FKBP1B: variants seen among roughly 807,000 people sequenced by gnomAD.
FKBP1B encodes peptidyl-prolyl cis-trans isomerase FKBP1B.
In FKBP1B, 4 loss-of-function variants were observed where a neutral mutation model predicts 13.5. The ratio of observed to expected loss-of-function variants is 0.30; its 90% CI spans 0.15 to 0.68. FKBP1B has a LOEUF of 0.68. Ranked by LOEUF, FKBP1B falls within the 30% of genes least tolerant of loss-of-function variation. The pLI, the probability that FKBP1B is intolerant of heterozygous loss-of-function variation, is 0.76. For missense variants in FKBP1B, 93 were observed against 136.2 expected (o/e 0.68, Z 1.58); for synonymous variants, 54 against 53.6 (o/e 1.01, Z -0.03).
At chr2:24,049,668 C>A (rs1315390453), upstream of FKBP1B, 1 of 407,536 alleles carries the variant, frequency 2.5e-6, no homozygotes, top group East Asian at 3.7e-5. Context: ...CCGCGCGGCT[C>A]CGCCCCGCCG....
intron 2 of FKBP1B, 54 bp from the exon 3 acceptor site, chr2:24,060,760 T>C (rs1209158967): frequency 2.3e-6 from 3 of 1,286,756 alleles, no homozygotes; most frequent in Non-Finnish European, 3.4e-6. Context: ...GGAATCTGAA[T>C]TGGGAGTTTA....
upstream of FKBP1B, chr2:24,049,705 G>C: frequency 5.5e-6 from 3 of 549,918 alleles, no homozygotes; most frequent in Non-Finnish European, 8.2e-6. Context: ...CCCTCCCCGC[G>C]CAGGTCCCGA....
Position 24,062,974 on chromosome 2 carries a change from T to C in FKBP1B, c.199-90T>C, listed in dbSNP as rs1184518815. The C allele has an allele frequency of 1.9e-6, 3 of 1,592,722 alleles. No individual in the cohort carries two copies. In the African/African-American group the frequency reaches 4.0e-5, roughly 21 times the overall value. On this transcript the variant is annotated intron_variant, in intron 3 of 3. Coordinates refer to ENST00000380986, the MANE Select transcript of FKBP1B (RefSeq NM_004116.5). ...CTTCAGAGTTAACATTGAGGATGGT[T>C]TGGGAAAATGCCATAGTCATCTAAC...
At chr2:24,040,787 C>T in the FKBP1B span, among the ~76,000 whole-genome samples, 1 of 152,102 alleles carries the variant, frequency 6.6e-6, no homozygotes, top group Admixed American at 6.6e-5. Flanking sequence ...GAGGCTGAGA[C>T]GGGAGGATCA....
chr2:24,054,259 G>A, intron 2 of FKBP1B: 1 of 550,690 alleles, frequency 1.8e-6, no homozygotes. Context: ...TCCCTGCTGG[G>A]TCTGTCTGAT....
the FKBP1B span, among the ~76,000 whole-genome samples, chr2:24,042,791 G>A: frequency 2.0e-5 from 3 of 152,028 alleles, no homozygotes; most frequent in Non-Finnish European, 2.9e-5. Flanking sequence ...CTAGCATTTT[G>A]GGAGGCCGAG....
At chr2:24,039,253 T>C in the FKBP1B span, 1 of 1,614,226 alleles carries the variant, frequency 6.2e-7, no homozygotes, top group South Asian at 1.1e-5. Flanking sequence ...ATGCTTCTCA[T>C]GCTGGACAGC....
chr2:24,043,082 C>T, the FKBP1B span, among the ~76,000 whole-genome samples: 12 of 151,910 alleles, frequency 7.9e-5, no homozygotes, highest in Non-Finnish European at 1.5e-4. Flanking sequence ...GCCTTTAATC[C>T]GAGCACTTTG....
intron 3 of FKBP1B, among the ~76,000 whole-genome samples, chr2:24,062,329 C>T (rs868191129): frequency 6.6e-5 from 10 of 152,100 alleles, no homozygotes; most frequent in Non-Finnish European, 1.2e-4. Flanking sequence ...TGCACCATCA[C>T]CATCACGCCT....
At chr2:24,062,929 A>G (rs1664463259) in intron 3 of FKBP1B, 135 bp from the exon 4 acceptor site, 2 of 1,299,930 alleles carry the variant, frequency 1.5e-6, no homozygotes, top group Non-Finnish European at 2.2e-6. Flanking sequence ...AATGTATCCC[A>G]TGTAAAATTC....
the FKBP1B span, among the ~76,000 whole-genome samples, chr2:24,044,129 T>C: frequency 6.6e-6 from 1 of 152,210 alleles, no homozygotes; most frequent in African/African-American, 2.4e-5. Context: ...AAATTCCTAA[T>C]GGGCCAATTA....
At chr2:24,039,348 C>T in the FKBP1B span, 1 of 1,614,114 alleles carries the variant, frequency 6.2e-7, no homozygotes, top group Non-Finnish European at 8.5e-7. Flanking sequence ...CTTTGGAGTC[C>T]CCAAACTTGA....
intron 1 of FKBP1B, among the ~76,000 whole-genome samples, chr2:24,052,728 A>T (rs763109471): frequency 2.0e-5 from 3 of 152,264 alleles, no homozygotes; most frequent in Middle Eastern, 3.4e-3. Flanking sequence ...GCACTTTGGG[A>T]GGTTGAGGTG....
In FKBP1B at chr2:24,063,467, CAGATCTCT is replaced by C; in HGVS notation, c.*276_*283del. On this transcript the variant is annotated 3_prime_UTR_variant, in exon 4 of 4. Coordinates refer to ENST00000380986, the MANE Select transcript of FKBP1B (RefSeq NM_004116.5). The stretch of plus-strand genomic sequence containing the variant: ...AGTAGCCTTTCCTGATGACAGAACA[CAGATCTCT>C]TGTTCGCACAATCTACACTGCCTTA... The C allele has an allele frequency of 2.7e-6, 1 of 369,220 alleles. No individual in the cohort carries two copies. Among genetic ancestry groups the C allele is most frequent in the Non-Finnish European group, 4.8e-6 (1 of 206,250 alleles). 22.9% of individuals were successfully genotyped at this position (369,220 alleles called of 1,614,324 possible). A position where few individuals can be genotyped will look rare whatever the true frequency, so the allele number is the denominator to read the frequency against.
Position 24,053,929 on chromosome 2 carries a change from C to T in FKBP1B, c.65C>T (p.Thr22Met), listed in dbSNP as rs757174226. The T allele has an allele frequency of 6.8e-6, 11 of 1,614,194 alleles. No homozygotes were observed. The highest frequency in any genetic ancestry group is 2.2e-5 in the South Asian group (2 of 91,078). Residue 22 changes from threonine (T) to methionine (M), a missense_variant, in exon 2 of 4, where the codon ACG (threonine) becomes ATG (methionine). Transcript: ENST00000380986. ...DGRTFPKKGQ[T>M]CVVHYTGMLQ... ...AGGACATTCCCCAAGAAGGGCCAAA[C>T]GTGTGTGGTGCACTACACAGGTAAG... is the stretch of plus-strand genomic sequence containing the variant.
intron 2 of FKBP1B, among the ~76,000 whole-genome samples, chr2:24,060,459 G>A (rs1029299250): frequency 7.2e-5 from 11 of 152,178 alleles, no homozygotes; most frequent in African/African-American, 2.7e-4. Flanking sequence ...GGCTGAGGCA[G>A]AAGAATCGAT....
chr2:24,052,615 G>A (rs1663930527), intron 1 of FKBP1B, among the ~76,000 whole-genome samples: 1 of 152,172 alleles, frequency 6.6e-6, no homozygotes, highest in African/African-American at 2.4e-5. Flanking sequence ...TTTCTTTAGA[G>A]TATTCATCAT....
intron 2 of FKBP1B, among the ~76,000 whole-genome samples, chr2:24,057,060 A>G (rs952527405): frequency 6.6e-6 from 1 of 152,120 alleles, no homozygotes; most frequent in Non-Finnish European, 1.5e-5. Flanking sequence ...TGTTGGTTAT[A>G]TCTATCCCAA....
At chr2:24,058,814 T>C (rs1664250223) in intron 2 of FKBP1B, among the ~76,000 whole-genome samples, 3 of 152,246 alleles carry the variant, frequency 2.0e-5, no homozygotes, top group Admixed American at 1.3e-4. Context: ...CCTTAGCAAA[T>C]GCATGCGATT....
Sources: gnomAD v4.1 joint callset for allele counts (sites outside exome capture counted in the v4.1 genomes callset) on GRCh38, gnomAD v4.1.1 for gene constraint, MANE v1.5 for transcripts, NCBI Gene and HGNC (gene_info 2026-07-23, HGNC 2026-07-21) for gene names.